PDGFC: variants seen among roughly 807,000 people sequenced by gnomAD.
The protein encoded by PDGFC is platelet-derived growth factor C.
In PDGFC, 12 loss-of-function variants were observed where a neutral mutation model predicts 35.5. The ratio of observed to expected loss-of-function variants is 0.34; its 90% CI spans 0.22 to 0.55. PDGFC has a LOEUF of 0.55. Among genes scored for constraint, PDGFC ranks in the 20% least tolerant of loss-of-function variants. The probability of loss-of-function intolerance (pLI) is 0.91; values close to 1 mark genes in which losing one functional copy is unlikely to be tolerated. For missense variants in PDGFC, 322 were observed against 412.4 expected (o/e 0.78, Z 1.90); for synonymous variants, 159 against 148.8 (o/e 1.07, Z -0.50).
chr4:156,833,609 T>C (rs1728995564), intron 2 of PDGFC, among the ~76,000 whole-genome samples: 1 of 152,228 alleles, frequency 6.6e-6, no homozygotes. Context: ...TATTTAGTTT[T>C]ATGATGAACA....
At chr4:156,797,844 C>A (rs1213334626) in intron 3 of PDGFC, among the ~76,000 whole-genome samples, 4 of 152,102 alleles carry the variant, frequency 2.6e-5, no homozygotes, top group African/African-American at 9.7e-5. Flanking sequence ...GTTTACACAT[C>A]TAGTTAGGTT....
At chr4:156,871,067 G>A (rs552198634) in intron 1 of PDGFC, among the ~76,000 whole-genome samples, 1 of 152,042 alleles carries the variant, frequency 6.6e-6, no homozygotes, top group Non-Finnish European at 1.5e-5. Flanking sequence ...TCTGGTGCAG[G>A]AAAAACAATG....
intron 1 of PDGFC, among the ~76,000 whole-genome samples, chr4:156,902,816 A>G (rs1396714891): frequency 6.6e-6 from 1 of 152,142 alleles, no homozygotes; most frequent in Non-Finnish European, 1.5e-5. Flanking sequence ...CTCTGCCTGA[A>G]ATATTTTTCC....
chr4:156,862,202 A>C (rs781210866), intron 1 of PDGFC, among the ~76,000 whole-genome samples: 1 of 152,346 alleles, frequency 6.6e-6, no homozygotes, highest in East Asian at 1.9e-4. Context: ...GAAATAAAAT[A>C]AATCCTCTGA....
At position 156,970,825 on chromosome 4, in the gene PDGFC, T is replaced by G. The variant is rs1732574788; in HGVS notation, c.79A>C (p.Ser27Arg). ...RQGTQAESNL[S>R]SKFQFSSNKE... Reference sequence around the variant, plus strand: ...TTGCTGGAAAACTGGAATTTACTACTCAGGTTGGATTCCGCCTGAGTCCCC... The same window carrying G: ...TTGCTGGAAAACTGGAATTTACTACGCAGGTTGGATTCCGCCTGAGTCCCC... The change falls in exon 1 of 6, where the codon AGT (serine) becomes CGT (arginine). Residue 27 changes from serine to arginine, a missense_variant. Ser to Arg is a moderately radical substitution (Grantham distance 110). Coordinates refer to ENST00000502773, the MANE Select transcript of PDGFC (RefSeq NM_016205.3). The G allele has an allele frequency of 6.2e-7, 1 of 1,613,692 alleles. No individual in the cohort carries two copies. The highest frequency in any genetic ancestry group is 8.5e-7 in the Non-Finnish European group (1 of 1,179,614).
At chr4:156,868,105 G>A (rs1018615293) in intron 1 of PDGFC, among the ~76,000 whole-genome samples, 11 of 152,024 alleles carry the variant, frequency 7.2e-5, no homozygotes, top group African/African-American at 2.2e-4. Flanking sequence ...GTGAGCCACC[G>A]CACCCAGCCA....
chr4:156,885,366 C>A (rs868708408), intron 1 of PDGFC, among the ~76,000 whole-genome samples: 2 of 152,098 alleles, frequency 1.3e-5, no homozygotes, highest in Non-Finnish European at 2.9e-5. Context: ...ATTGGCATTA[C>A]ATTTAATACA....
chr4:156,890,349 C>A (rs1275047861), intron 1 of PDGFC, among the ~76,000 whole-genome samples: 1 of 152,124 alleles, frequency 6.6e-6, no homozygotes, highest in Admixed American at 6.5e-5. Flanking sequence ...AAATGAGGAT[C>A]CGCCCCCTGC....
intron 1 of PDGFC, among the ~76,000 whole-genome samples, chr4:156,900,651 G>A (rs531171535): frequency 6.6e-6 from 1 of 151,920 alleles, no homozygotes; most frequent in South Asian, 2.1e-4. Context: ...AACCAGCAAG[G>A]GCAACATGGC....
At chr4:156,817,057 G>A (rs1732107044) in intron 2 of PDGFC, among the ~76,000 whole-genome samples, 1 of 151,934 alleles carries the variant, frequency 6.6e-6, no homozygotes, top group Non-Finnish European at 1.5e-5. Context: ...CACATGAATG[G>A]GTAATTCTCA....
Position 156,896,468 on chromosome 4 carries a change from T to C in PDGFC, c.119-46052A>G, listed in dbSNP as rs188657680. Among the ~76,000 whole-genome samples, 4 of 152,274 alleles carry C rather than the reference T, an allele frequency of 2.6e-5. No individual in the cohort carries two copies. In the East Asian group the frequency reaches 5.8e-4, roughly 22 times the overall value. ...CAAGACACAGCTTTAAAGGTTAGAC[T>C]GAAAAGAGAAATGCCACCTGACAAG... On this transcript the variant is annotated intron_variant, in intron 1 of 5. Transcript: ENST00000502773.
At chr4:156,881,695 T>C (rs1730246540) in intron 1 of PDGFC, among the ~76,000 whole-genome samples, 1 of 151,982 alleles carries the variant, frequency 6.6e-6, no homozygotes, top group African/African-American at 2.4e-5. Context: ...TGGGGCATGC[T>C]GGCATGTGCC....
intron 2 of PDGFC, among the ~76,000 whole-genome samples, chr4:156,839,686 G>T (rs1252339653): frequency 6.6e-6 from 1 of 152,192 alleles, no homozygotes; most frequent in Non-Finnish European, 1.5e-5. Flanking sequence ...ATATGGGAAA[G>T]TTTGAAACTT....
chr4:156,896,803 G>C (rs1007626835), intron 1 of PDGFC, among the ~76,000 whole-genome samples: 1 of 152,004 alleles, frequency 6.6e-6, no homozygotes, highest in South Asian at 2.1e-4. Context: ...AAATATAGGC[G>C]GCCACTAAAA....
intron 1 of PDGFC, among the ~76,000 whole-genome samples, chr4:156,923,906 G>A (rs909376040): frequency 2.6e-5 from 4 of 152,140 alleles, no homozygotes; most frequent in Non-Finnish European, 1.5e-5. Context: ...GGGTTTGGGG[G>A]AACAGAGCCA....
At chr4:156,823,882 T>C (rs191172027) in intron 2 of PDGFC, among the ~76,000 whole-genome samples, 57 of 152,256 alleles carry the variant, frequency 3.7e-4, no homozygotes, top group African/African-American at 1.3e-3. Context: ...TATATAAACA[T>C]TGGAATACTA....
chr4:156,906,245 T>C (rs1560867285), intron 1 of PDGFC, among the ~76,000 whole-genome samples: 1 of 152,180 alleles, frequency 6.6e-6, no homozygotes, highest in Non-Finnish European at 1.5e-5. Context: ...TTTCTTAATG[T>C]CATAAATTTT....
chr4:156,765,685 G>A (rs1730504505), intron 5 of PDGFC, among the ~76,000 whole-genome samples: 1 of 152,122 alleles, frequency 6.6e-6, no homozygotes, highest in African/African-American at 2.4e-5. Flanking sequence ...AGCCAAGTAA[G>A]AACAGAGAAA....
At chr4:156,926,980 T>C (rs989508127) in intron 1 of PDGFC, among the ~76,000 whole-genome samples, 3 of 152,146 alleles carry the variant, frequency 2.0e-5, no homozygotes, top group African/African-American at 7.2e-5. Context: ...TATCCAGGTG[T>C]TTCCATACAT....
Sources: gnomAD v4.1 joint callset for allele counts (sites outside exome capture counted in the v4.1 genomes callset) on GRCh38, gnomAD v4.1.1 for gene constraint, MANE v1.5 for transcripts, NCBI Gene and HGNC (gene_info 2026-07-23, HGNC 2026-07-21) for gene names.